The following FHIT variants were observed in gnomAD, a reference collection of about 807,000 sequenced individuals.
The protein encoded by FHIT is bis(5'-adenosyl)-triphosphatase.
In FHIT, 19 loss-of-function variants were observed where a neutral mutation model predicts 17.9. The ratio of observed to expected loss-of-function variants is 1.06; its 90% confidence interval spans 0.74 to 1.56. FHIT has a LOEUF of 1.56. FHIT is among the 40% of genes most tolerant of loss of function. FHIT has a pLI of 0.00. For synonymous variants in FHIT, 81 were observed against 69.7 expected (o/e 1.16, Z -0.81); for missense variants, 248 against 189.2 (o/e 1.31, Z -1.82).
chr3:59,754,825 T>C (rs150974027), intron 8 of FHIT, among the ~76,000 whole-genome samples: 1 of 152,340 alleles, frequency 6.6e-6, no homozygotes, highest in Non-Finnish European at 1.5e-5. Flanking sequence ...TGTACCTAGC[T>C]TTTAAAAGTT....
At chr3:60,285,074 C>T (rs1202276666) in intron 5 of FHIT, among the ~76,000 whole-genome samples, 4 of 152,066 alleles carry the variant, frequency 2.6e-5, no homozygotes, top group Admixed American at 6.6e-5. Flanking sequence ...CAAATATTCT[C>T]CCTCTCCAAC....
chr3:59,874,279 G>A (rs1201714100), intron 8 of FHIT, among the ~76,000 whole-genome samples: 3 of 152,194 alleles, frequency 2.0e-5, no homozygotes, highest in Non-Finnish European at 2.9e-5. Context: ...ATGTGTTAAT[G>A]CAAAGGGCTC....
chr3:60,533,901 G>C (rs538618923), intron 5 of FHIT, among the ~76,000 whole-genome samples: 1 of 152,238 alleles, frequency 6.6e-6, no homozygotes, highest in South Asian at 2.1e-4. Flanking sequence ...TAAAGTTATA[G>C]GCTACATTGG....
In FHIT at chr3:60,735,617, C is replaced by T. The variant is rs897241781; in HGVS notation, c.-18+86302G>A. ...ACTACAAAGTGAGACCATGCCTATG[C>T]GTGAGACCAACCCAATGGAAAGAAA... On this transcript the variant is annotated intron_variant, in intron 4 of 9. Transcript: ENST00000492590. Among the ~76,000 whole-genome samples, 4 of 152,166 alleles carry T rather than the reference C, an allele frequency of 2.6e-5. No individual in the cohort carries two copies. In the South Asian group the frequency reaches 8.3e-4, roughly 31 times the overall value.
intron 8 of FHIT, among the ~76,000 whole-genome samples, chr3:59,913,030 C>G (rs1024111282): frequency 1.3e-5 from 2 of 152,142 alleles, no homozygotes; most frequent in African/African-American, 4.8e-5. Flanking sequence ...TTAACAAAAA[C>G]TATAAAAAGG....
chr3:60,952,644 A>G (rs1481817568), intron 3 of FHIT, among the ~76,000 whole-genome samples: 2 of 152,180 alleles, frequency 1.3e-5, no homozygotes, highest in Non-Finnish European at 2.9e-5. Context: ...AGGTGCAAGA[A>G]GTGTTCTCTA....
At chr3:60,847,920 G>A (rs1257377089) in intron 3 of FHIT, among the ~76,000 whole-genome samples, 3 of 152,076 alleles carry the variant, frequency 2.0e-5, no homozygotes, top group African/African-American at 4.8e-5. Context: ...TTTTATCCTT[G>A]ACATATGTAG....
intron 1 of FHIT, among the ~76,000 whole-genome samples, chr3:61,217,755 G>A (rs998974626): frequency 6.6e-6 from 1 of 152,058 alleles, no homozygotes; most frequent in Non-Finnish European, 1.5e-5. Flanking sequence ...TGAAACATAA[G>A]CAAAAATTAA....
chr3:60,306,638 T>A (rs1264307541), intron 5 of FHIT, among the ~76,000 whole-genome samples: 4 of 152,120 alleles, frequency 2.6e-5, no homozygotes, highest in African/African-American at 9.7e-5. Context: ...TCATAATGAT[T>A]CTTGACAATA....
At chr3:60,109,361 T>G (rs762883773) in intron 5 of FHIT, among the ~76,000 whole-genome samples, 1 of 152,152 alleles carries the variant, frequency 6.6e-6, no homozygotes, top group Non-Finnish European at 1.5e-5. Context: ...CAGAGGGTAT[T>G]AAACTCCATA....
chr3:60,756,871 C>G (rs1699443933), intron 4 of FHIT, among the ~76,000 whole-genome samples: 1 of 152,150 alleles, frequency 6.6e-6, no homozygotes, highest in Admixed American at 6.5e-5. Context: ...CCACACAGCA[C>G]TAACTTCCAA....
intron 3 of FHIT, among the ~76,000 whole-genome samples, chr3:60,950,079 T>C (rs944482001): frequency 2.6e-5 from 4 of 152,260 alleles, no homozygotes; most frequent in Non-Finnish European, 5.9e-5. Context: ...TGTGCATGCA[T>C]TACCTTTTCT....
intron 7 of FHIT, among the ~76,000 whole-genome samples, chr3:59,997,958 C>T (rs1422341660): frequency 6.6e-6 from 1 of 152,016 alleles, no homozygotes; most frequent in Admixed American, 6.6e-5. Flanking sequence ...TAAGTTTCAG[C>T]AAAATTTAGT....
chr3:61,058,796 C>T (rs2106687347), intron 2 of FHIT, among the ~76,000 whole-genome samples: 1 of 152,294 alleles, frequency 6.6e-6, no homozygotes, highest in Admixed American at 6.5e-5. Context: ...AAGAGCATAA[C>T]CCAACAACCT....
chr3:60,881,199 A>G (rs567167460), intron 3 of FHIT, among the ~76,000 whole-genome samples: 1 of 152,360 alleles, frequency 6.6e-6, no homozygotes, highest in African/African-American at 2.4e-5. Context: ...AAAAGAGACA[A>G]AGAGGATCAT....
intron 8 of FHIT, among the ~76,000 whole-genome samples, chr3:59,791,801 T>A (rs762779578): frequency 6.6e-6 from 1 of 152,134 alleles, no homozygotes; most frequent in African/African-American, 2.4e-5. Flanking sequence ...GGGCTATGTA[T>A]CTTTTGGATC....
chr3:60,951,892 G>C (rs1708900611), intron 3 of FHIT, among the ~76,000 whole-genome samples: 1 of 152,052 alleles, frequency 6.6e-6, no homozygotes, highest in Non-Finnish European at 1.5e-5. Flanking sequence ...TTGGCTGGGT[G>C]CAGTGGCTGA....
At chr3:60,105,125 C>G (rs1307153702) in intron 5 of FHIT, among the ~76,000 whole-genome samples, 1 of 152,110 alleles carries the variant, frequency 6.6e-6, no homozygotes, top group African/African-American at 2.4e-5. Flanking sequence ...TCCCCTGAAC[C>G]AACCAATGTT....
chr3:60,521,255 TATTA>T (rs1283512587), intron 5 of FHIT, among the ~76,000 whole-genome samples: 1 of 79,222 alleles, frequency 1.3e-5, no homozygotes, highest in Non-Finnish European at 2.6e-5. Flanking sequence ...TAAGTATTAT[TATTA>T]TTTTTTGAGG....
Sources: allele counts gnomAD v4.1 joint callset (sites outside exome capture counted in the v4.1 genomes callset), GRCh38; gene constraint gnomAD v4.1.1; transcripts MANE v1.5; gene names NCBI Gene and HGNC (gene_info 2026-07-23, HGNC 2026-07-21).